LRFN2: variants seen among roughly 807,000 people sequenced by gnomAD.
The protein encoded by LRFN2 is leucine rich repeat and fibronectin type III domain containing 2.
Under a neutral mutation model 37.3 loss-of-function variants are expected in LRFN2, and 18 were observed. The observed-to-expected ratio is 0.48, with a 90% CI of 0.33 to 0.72. The LOEUF (loss-of-function observed/expected upper bound fraction) is 0.72, where lower values mean the gene tolerates loss of function less well. LRFN2 is among the 30% of genes least tolerant of loss of function. The pLI is 0.02. For missense variants in LRFN2, 1,006 were observed against 1,060.7 expected (o/e 0.95, Z 0.72); for synonymous variants, 556 against 466.6 (o/e 1.19, Z -2.47).
intron 1 of LRFN2, among the ~76,000 whole-genome samples, chr6:40,472,565 T>C (rs1308928893): frequency 1.3e-5 from 2 of 152,186 alleles, no homozygotes; most frequent in African/African-American, 2.4e-5. Context: ...CGCCACCTGC[T>C]AGCATTCAGA....
intron 1 of LRFN2, among the ~76,000 whole-genome samples, chr6:40,562,246 T>C (rs560400046): frequency 2.0e-5 from 3 of 151,904 alleles, no homozygotes; most frequent in South Asian, 2.1e-4. Flanking sequence ...TAGGGTCAGG[T>C]AGAGATTGGG....
chr6:40,470,496 G>T (rs1256790087), intron 1 of LRFN2, among the ~76,000 whole-genome samples: 1 of 152,090 alleles, frequency 6.6e-6, no homozygotes, highest in Non-Finnish European at 1.5e-5. Context: ...TGTAGTCCCA[G>T]CTACTTGGGA....
intron 1 of LRFN2, among the ~76,000 whole-genome samples, chr6:40,574,140 G>T (rs1161255524): frequency 6.6e-6 from 1 of 152,108 alleles, no homozygotes; most frequent in African/African-American, 2.4e-5. Flanking sequence ...AAAGTAGTTG[G>T]GAGACAAAAT....
intron 1 of LRFN2, among the ~76,000 whole-genome samples, chr6:40,544,952 G>A (rs540218519): frequency 2.6e-5 from 4 of 152,306 alleles, no homozygotes; most frequent in South Asian, 4.1e-4. Flanking sequence ...CTGCCAATGA[G>A]GGGAGTGTTG....
At chr6:40,411,031 A>G (rs898819252) in intron 2 of LRFN2, among the ~76,000 whole-genome samples, 1 of 152,264 alleles carries the variant, frequency 6.6e-6, no homozygotes, top group Non-Finnish European at 1.5e-5. Flanking sequence ...GAGGATGGCC[A>G]TATGGGCCTG....
At chr6:40,400,415 C>A (rs1183551939) in intron 2 of LRFN2, among the ~76,000 whole-genome samples, 1 of 122,746 alleles carries the variant, frequency 8.1e-6, no homozygotes, top group Admixed American at 1.0e-4. Flanking sequence ...TGGAGAGGTA[C>A]TTTTCCTTTT....
intron 1 of LRFN2, among the ~76,000 whole-genome samples, chr6:40,474,002 G>A (rs1048088829): frequency 2.0e-5 from 3 of 152,102 alleles, no homozygotes; most frequent in African/African-American, 4.8e-5. Context: ...GGTGTTCCTG[G>A]CACACAGCAG....
chr6:40,556,239 C>T (rs1766875321), intron 1 of LRFN2, among the ~76,000 whole-genome samples: 1 of 152,182 alleles, frequency 6.6e-6, no homozygotes, highest in South Asian at 2.1e-4. Context: ...CACCTTGGCC[C>T]AGACTGGGTA....
At chr6:40,415,389 C>A (rs765949264) in intron 2 of LRFN2, among the ~76,000 whole-genome samples, 3 of 152,102 alleles carry the variant, frequency 2.0e-5, no homozygotes, top group South Asian at 2.1e-4. Context: ...CCATGGCCAG[C>A]TAATTTTTGT....
chr6:40,400,111 C>T (rs550937975), intron 2 of LRFN2, among the ~76,000 whole-genome samples: 2 of 151,922 alleles, frequency 1.3e-5, no homozygotes, highest in Non-Finnish European at 2.9e-5. Flanking sequence ...CTCTTCTCTC[C>T]CTCCTCCCAC....
rs574657156 is a variant in LRFN2, at chr6:40,398,392, A to G, written c.1401-5480T>C. Among the ~76,000 whole-genome samples the G allele has an allele frequency of 5.3e-5, 8 of 151,770 alleles. 1 individual carries two copies. In the East Asian group the frequency reaches 1.2e-3, roughly 22 times the overall value. ...CCGGACAAAGAAGTAGCCGGACCTC[A>G]CTCTTCTCTGCCGCCGACCTTCTGC... On this transcript the variant is annotated intron_variant, in intron 2 of 2. Transcript: ENST00000338305.
intron 1 of LRFN2, among the ~76,000 whole-genome samples, chr6:40,522,031 A>T (rs773846280): frequency 1.3e-5 from 2 of 152,140 alleles, no homozygotes; most frequent in Non-Finnish European, 2.9e-5. Context: ...GGGAGTCTTT[A>T]TGGGGTACTA....
intron 1 of LRFN2, among the ~76,000 whole-genome samples, chr6:40,578,941 C>G (rs966848165): frequency 6.6e-6 from 1 of 152,206 alleles, no homozygotes; most frequent in Non-Finnish European, 1.5e-5. Flanking sequence ...GCTCCATCCA[C>G]GAATTTTGGT....
chr6:40,544,964 G>C (rs898781692), intron 1 of LRFN2, among the ~76,000 whole-genome samples: 1 of 152,198 alleles, frequency 6.6e-6, no homozygotes, highest in Non-Finnish European at 1.5e-5. Flanking sequence ...GGAGTGTTGG[G>C]TAGTGGTTAG....
intron 1 of LRFN2, among the ~76,000 whole-genome samples, chr6:40,433,410 G>T (rs1003005201): frequency 6.6e-6 from 1 of 152,166 alleles, no homozygotes; most frequent in African/African-American, 2.4e-5. Context: ...TCCAAAGAGG[G>T]CAGGTACTTT....
chr6:40,476,725 C>T (rs1240532819), intron 1 of LRFN2, among the ~76,000 whole-genome samples: 1 of 152,272 alleles, frequency 6.6e-6, no homozygotes, highest in East Asian at 1.9e-4. Context: ...GGATACAATG[C>T]CTTCCTCTCA....
chr6:40,534,710 C>T (rs1766417968), intron 1 of LRFN2, among the ~76,000 whole-genome samples: 1 of 152,168 alleles, frequency 6.6e-6, no homozygotes, highest in African/African-American at 2.4e-5. Flanking sequence ...GCGCTCATTC[C>T]TCACCTTCCT....
intron 1 of LRFN2, among the ~76,000 whole-genome samples, chr6:40,521,135 C>G (rs1286719232): frequency 6.6e-6 from 1 of 151,712 alleles, no homozygotes; most frequent in Non-Finnish European, 1.5e-5. Context: ...GAGGAGGGGA[C>G]AGGAAAAGTG....
At chr6:40,586,684 C>G (rs1341997826) in intron 1 of LRFN2, among the ~76,000 whole-genome samples, 6 of 152,120 alleles carry the variant, frequency 3.9e-5, no homozygotes, top group African/African-American at 4.8e-5. Flanking sequence ...CTCACATGGA[C>G]CCGGCTCTCC....
Sources: gnomAD v4.1 joint callset for allele counts (sites outside exome capture counted in the v4.1 genomes callset) on GRCh38, gnomAD v4.1.1 for gene constraint, MANE v1.5 for transcripts, NCBI Gene and HGNC (gene_info 2026-07-23, HGNC 2026-07-21) for gene names.